Variants in NEK11 observed in about 807,000 individuals in gnomAD.
NEK11 encodes the protein NIMA related kinase 11, also known as serine/threonine-protein kinase Nek11.
Under a neutral mutation model 80.7 loss-of-function variants are expected in NEK11, and 72 were observed. The ratio of observed to expected loss-of-function variants is 0.89; its 90% confidence interval spans 0.74 to 1.08. The LOEUF is 1.08. Ranked by LOEUF, NEK11 falls within the 50% of genes least tolerant of loss-of-function variation. The pLI is 0.00. For missense variants in NEK11, 764 were observed against 763.6 expected, an observed-to-expected ratio of 1.00 and a Z score of -0.01; for synonymous variants, 251 against 260.7, an observed-to-expected ratio of 0.96 and a Z score of 0.36.
At chr3:131,041,552 G>GTA (rs1560133331) in intron 3 of NEK11, among the ~76,000 whole-genome samples, 2 of 151,896 alleles carry the variant, frequency 1.3e-5, no homozygotes, top group Admixed American at 6.6e-5. Flanking sequence ...ATATACTCAC[G>GTA]TATATATATG....
At chr3:131,324,456 T>C (rs1355643583) in intron 17 of NEK11, among the ~76,000 whole-genome samples, 1 of 152,234 alleles carries the variant, frequency 6.6e-6, no homozygotes, top group Non-Finnish European at 1.5e-5. Flanking sequence ...TTGTGATTTT[T>C]AAAAAATTGT....
intron 17 of NEK11, among the ~76,000 whole-genome samples, chr3:131,284,715 G>A (rs1035083485): frequency 6.6e-6 from 1 of 152,202 alleles, no homozygotes; most frequent in Non-Finnish European, 1.5e-5. Context: ...TAGACTGGCT[G>A]AGTCTTCTGA....
At chr3:131,180,949 TAC>T (rs1324094370) in intron 14 of NEK11, among the ~76,000 whole-genome samples, 1 of 152,246 alleles carries the variant, frequency 6.6e-6, no homozygotes, top group African/African-American at 2.4e-5. Context: ...GGGCAATATT[TAC>T]AGTCTTTCTT....
intron 17 of NEK11, among the ~76,000 whole-genome samples, chr3:131,309,305 TA>T (rs1394207925): frequency 6.6e-6 from 1 of 152,226 alleles, no homozygotes; most frequent in Non-Finnish European, 1.5e-5. Context: ...TACTCTTTCC[TA>T]ATTGAATCTT....
At chr3:131,193,141 C>T (rs2093867085) in intron 14 of NEK11, among the ~76,000 whole-genome samples, 1 of 152,048 alleles carries the variant, frequency 6.6e-6, no homozygotes, top group African/African-American at 2.4e-5. Context: ...GAAAGTTAAC[C>T]ATGTTTTCCA....
At chr3:131,177,869 A>G (rs566762707) in intron 14 of NEK11, among the ~76,000 whole-genome samples, 70 of 152,368 alleles carry the variant, frequency 4.6e-4, no homozygotes, top group African/African-American at 1.6e-3. Flanking sequence ...AATGACAGGA[A>G]TATGTTCTGA....
chr3:131,055,056 G>A (rs909603098), intron 3 of NEK11, among the ~76,000 whole-genome samples: 15 of 152,180 alleles, frequency 9.9e-5, no homozygotes, highest in Non-Finnish European at 1.8e-4. Context: ...CTAGACCATG[G>A]CATCCCTGGG....
chr3:131,311,204 C>T (rs1383465461), intron 17 of NEK11, among the ~76,000 whole-genome samples: 1 of 152,098 alleles, frequency 6.6e-6, no homozygotes, highest in Non-Finnish European at 1.5e-5. Context: ...TGTAATAAGT[C>T]AGGGTATTTA....
chr3:131,077,037 A>T (rs1281927145), intron 3 of NEK11, among the ~76,000 whole-genome samples: 2 of 152,172 alleles, frequency 1.3e-5, no homozygotes, highest in African/African-American at 4.8e-5. Flanking sequence ...GCCAATTTCA[A>T]GGGAATGAAA....
intron 17 of NEK11, chr3:131,326,062 ATTTG>A (rs1429919968): frequency 8.5e-5 from 13 of 152,210 alleles, no homozygotes; most frequent in South Asian, 6.2e-4. Flanking sequence ...CATTGCACAC[ATTTG>A]TTTGTTTGTA....
At position 131,133,785 on chromosome 3, in the gene NEK11, T is replaced by A. The variant is rs773715255; in HGVS notation, c.521-45T>A. The A allele has an allele frequency of 2.6e-6, 4 of 1,553,956 alleles. No individual in the cohort carries two copies. The African/African-American group carries it at 5.5e-5, about 21-fold the overall frequency. On this transcript the variant is annotated intron_variant, in intron 6 of 17. Transcript: ENST00000383366. ...CAGTTGTTAATTTCCAGGGCTAATT[T>A]TTCGTTGGCTTAAAGTATTCATAAA...
At chr3:131,140,439 C>T (rs1578966865) in intron 7 of NEK11, among the ~76,000 whole-genome samples, 2 of 152,318 alleles carry the variant, frequency 1.3e-5, no homozygotes, top group African/African-American at 4.8e-5. Context: ...AGTTGAGCAT[C>T]ACCAGCAGAT....
chr3:131,063,513 G>A (rs1355718596), intron 3 of NEK11, among the ~76,000 whole-genome samples: 3 of 152,150 alleles, frequency 2.0e-5, no homozygotes, highest in Admixed American at 2.0e-4. Flanking sequence ...GGGACAGAGT[G>A]GGAAACAGAA....
In NEK11 at chr3:131,304,567, G is replaced by GT. The variant is rs373439288; in HGVS notation, c.1718+30999dup. The stretch of plus-strand genomic sequence containing the variant: ...TTTGAAGTTGCTTTCTTGTGGATGG[G>GT]TTTTTTGCTTTTATCGTCTTTGATG... On this transcript the variant is annotated intron_variant, in intron 17 of 17. Transcript: ENST00000383366. 9.8e-3 allele frequency among the ~76,000 whole-genome samples: 1,489 copies of GT among 152,222 alleles called. 21 individuals are homozygous for GT. The highest frequency in any genetic ancestry group is 0.032 in the African/African-American group (1,330 of 41,524).
At chr3:131,114,047 G>A (rs978972849) in intron 5 of NEK11, among the ~76,000 whole-genome samples, 20 of 151,940 alleles carry the variant, frequency 1.3e-4, no homozygotes, top group Admixed American at 9.8e-4. Flanking sequence ...GGAGTGAGGA[G>A]GGGGAGGAAG....
intron 5 of NEK11, among the ~76,000 whole-genome samples, chr3:131,119,321 G>T (rs142779159): frequency 0.012 from 1,756 of 152,102 alleles, 20 homozygotes; most frequent in Non-Finnish European, 0.017. Flanking sequence ...TTGATTGCAC[G>T]GTGGTCTGAG....
chr3:131,283,218 T>C (rs1039548757), intron 17 of NEK11, among the ~76,000 whole-genome samples: 1 of 152,210 alleles, frequency 6.6e-6, no homozygotes, highest in Non-Finnish European at 1.5e-5. Flanking sequence ...TGCTAAAGTC[T>C]AGATCTCATC....
intron 12 of NEK11, among the ~76,000 whole-genome samples, chr3:131,168,337 C>CT (rs60918535): frequency 0.032 from 4,776 of 147,052 alleles, 224 homozygotes; most frequent in African/African-American, 0.099. Context: ...TGTTGCATTT[C>CT]TTTTTTTTTT....
At chr3:131,055,729 TTAAAAA>T (rs1307815580) in intron 3 of NEK11, among the ~76,000 whole-genome samples, 1 of 152,126 alleles carries the variant, frequency 6.6e-6, no homozygotes, top group Non-Finnish European at 1.5e-5. Flanking sequence ...GACCCTGTCT[TTAAAAA>T]TAATAATCGT....
Sources: gnomAD v4.1 joint callset for allele counts (sites outside exome capture counted in the v4.1 genomes callset) on GRCh38, gnomAD v4.1.1 for gene constraint, MANE v1.5 for transcripts, NCBI Gene and HGNC (gene_info 2026-07-23, HGNC 2026-07-21) for gene names.